COL12A1: variants seen among roughly 807,000 people sequenced by gnomAD.
COL12A1 encodes collagen type XII alpha 1 chain.
A neutral mutation model predicts 349.7 loss-of-function variants in COL12A1; 114 were observed. The ratio of observed to expected loss-of-function variants is 0.33; its 90% CI spans 0.28 to 0.38. COL12A1 has a LOEUF of 0.38. Ranked by LOEUF, COL12A1 falls within the 10% of genes least tolerant of loss-of-function variation. The pLI is 1.00. For missense variants in COL12A1, 3,284 were observed against 3,756.9 expected (o/e 0.87, Z 3.29); for synonymous variants, 1,369 against 1,329.0 (o/e 1.03, Z -0.66).
Position 75,119,120 on chromosome 6 carries a change from G to A in COL12A1, c.7277C>T (p.Pro2426Leu), listed in dbSNP as rs774528931. Reference protein sequence around the residue: ...TWESGMRKNVPKVLVVVTDGR... With the variant: ...TWESGMRKNVLKVLVVVTDGR... ...GTCCGTGACCACAACCAACACCTTA[G>A]GGACATTCTTCCTCATGCCGCTCTC... The change falls in exon 46 of 66, where the codon CCT becomes CTT. Residue 2426 changes from proline to leucine, a missense_variant. Transcript: ENST00000322507. The A allele has an allele frequency of 6.2e-7, 1 of 1,613,874 alleles. No homozygotes were observed. The highest frequency in any genetic ancestry group is 8.5e-7 in the Non-Finnish European group (1 of 1,179,900).
intron 30 of COL12A1, 135 bp downstream of exon 30, chr6:75,138,185 T>C (rs778493420): frequency 1.2e-5 from 11 of 944,924 alleles, no homozygotes; most frequent in South Asian, 7.0e-5. Context: ...GAAAAGCCTA[T>C]GTAAAAGAGT....
chr6:75,154,562 G>T (rs377231638), intron 16 of COL12A1, 25 bp from the exon 17 acceptor site: 17 of 1,576,626 alleles, frequency 1.1e-5, no homozygotes, highest in Non-Finnish European at 1.5e-5. Flanking sequence ...TATATATATA[G>T]CCTGTGAGAA....
At chr6:75,145,611 C>CTTTTTTTTTTTTTTTTT (rs56698330) in intron 24 of COL12A1, among the ~76,000 whole-genome samples, 156 bp from the exon 25 acceptor site, 2 of 121,186 alleles carry the variant, frequency 1.7e-5, no homozygotes, top group African/African-American at 6.3e-5. Flanking sequence ...CTGATGTTTT[C>CTTTTTTTTTTTTTTTTT]TTTTTTTTTT....
At chr6:75,155,581 A>T in intron 16 of COL12A1, 81 bp downstream of exon 16, 1 of 1,353,862 alleles carries the variant, frequency 7.4e-7, no homozygotes, top group Non-Finnish European at 1.0e-6. Flanking sequence ...TATTTGTGTA[A>T]AGCCTACTAA....
At chr6:75,157,487 G>A (rs188446831) in intron 14 of COL12A1, among the ~76,000 whole-genome samples, 4 of 151,696 alleles carry the variant, frequency 2.6e-5, no homozygotes, top group East Asian at 1.9e-4. Flanking sequence ...TTTCAGACAC[G>A]ACATCAGCTG....
chr6:75,090,011 A>C lies in COL12A1; in HGVS notation c.8941+99T>G. 1 of 1,287,398 alleles carries C rather than the reference A, an allele frequency of 7.8e-7. No homozygotes were observed. Among genetic ancestry groups the C allele is most frequent in the Admixed American group, 1.9e-5 (1 of 53,168 alleles). The allele number at this position is 1,287,398 out of a possible 1,614,324, so 79.7% of individuals were successfully genotyped here. On this transcript the variant is annotated intron_variant, in intron 63 of 65. Transcript: ENST00000322507. This position sits in a 1 kb window ranked among gnomAD's most constrained non-coding sequence, Gnocchi z 4.1. ...CTGTCCAAACAAGACCAGGGAAAGCAGTTTGCCTAGGTCACCTTTCAGATG... is the reference window on the plus strand; with the variant it reads ...CTGTCCAAACAAGACCAGGGAAAGCCGTTTGCCTAGGTCACCTTTCAGATG...
chr6:75,099,928 GTTC>G (rs1411036938), intron 58 of COL12A1, among the ~76,000 whole-genome samples: 1 of 152,058 alleles, frequency 6.6e-6, no homozygotes, highest in Non-Finnish European at 1.5e-5. Context: ...CCACCACTGA[GTTC>G]ACGTTTTGTT....
rs74331327 is a variant in COL12A1 at position 75,165,794 on chromosome 6, A to G, written c.2711-15T>C. 6.4e-4 allele frequency: 1,031 copies of G among 1,607,440 alleles called. 12 individuals carry two copies. The East Asian group carries it at 0.019, about 30-fold the overall frequency. On this transcript the variant is annotated splice_polypyrimidine_tract_variant and intron_variant, in intron 13 of 65. Coordinates refer to ENST00000322507, the MANE Select transcript of COL12A1 (RefSeq NM_004370.6). The stretch of plus-strand genomic sequence containing the variant: ...AGAACCACGTTCTAGAACAGAAATT[A>G]AAAGGGAATCTTTTTTAAAAATGTC...
chr6:75,180,880 C>G (rs1356266974), intron 11 of COL12A1, 59 bp downstream of exon 11: 2 of 1,552,706 alleles, frequency 1.3e-6, no homozygotes, highest in African/African-American at 1.4e-5. Context: ...CAAACTGTAA[C>G]TTTGTAGTGC....
At chr6:75,152,305 A>C (rs751255662) in intron 18 of COL12A1, 28 bp downstream of exon 18, 65 of 1,613,520 alleles carry the variant, frequency 4.0e-5, no homozygotes, top group Non-Finnish European at 5.4e-5. Flanking sequence ...AAAAATGTCT[A>C]AATGGCTCCA....
chr6:75,134,789 T>C lies in COL12A1; in HGVS notation c.5461A>G (p.Ile1821Val). The C allele has an allele frequency of 1.2e-6, 2 of 1,613,270 alleles. No homozygotes were observed. The highest frequency in any genetic ancestry group is 1.3e-5 in the African/African-American group (1 of 74,994). Residue 1821 changes from isoleucine (I) to valine (V), a missense_variant, in exon 32 of 66, where the codon ATC (isoleucine) becomes GTC (valine). Ile to Val is a conservative substitution (Grantham distance 29). This residue lies in a region of COL12A1 where 2,601 missense variants were observed against 2,824.8 expected (regional missense o/e 0.92). Coordinates refer to ENST00000322507, the MANE Select transcript of COL12A1 (RefSeq NM_004370.6). ...TCAGGATACAGAGAGGATACGGTGA[T>C]AGTGTAAGGAGTGTCTGGCTTCAGT... ...QKLKPDTPYT[I>V]TVSSLYPDGE... is the part of the protein sequence containing the mutation.
chr6:75,146,276 A>T, intron 23 of COL12A1, 32 bp from the exon 24 acceptor site: 1 of 1,550,976 alleles, frequency 6.4e-7, no homozygotes. Context: ...CCATCAGTCT[A>T]GTTCCTTTCA....
At chr6:75,189,161 C>T in intron 7 of COL12A1, 56 bp downstream of exon 7, 1 of 1,545,978 alleles carries the variant, frequency 6.5e-7, no homozygotes, top group Non-Finnish European at 8.8e-7. Context: ...TCTTCCTAAA[C>T]ATTAAGTATA....
chr6:75,152,038 G>A lies in COL12A1; in HGVS notation c.3836-7C>T. 2 of 1,613,684 alleles carry A rather than the reference G, an allele frequency of 1.2e-6. No homozygotes were observed. Among genetic ancestry groups the A allele is most frequent in the Non-Finnish European group, 1.7e-6 (2 of 1,179,762 alleles). On this transcript the variant is annotated splice_polypyrimidine_tract_variant and splice_region_variant and intron_variant, in intron 19 of 65. Coordinates refer to ENST00000322507, the MANE Select transcript of COL12A1 (RefSeq NM_004370.6). ...ATGAAATTCAAAGCCATGCCTAGTG[G>A]GATTTTTAAAAGAGAATCAGTCACA...
intron 27 of COL12A1, among the ~76,000 whole-genome samples, chr6:75,141,226 T>C (rs910916438): frequency 6.6e-6 from 1 of 152,238 alleles, no homozygotes. Flanking sequence ...ATTTGCTTTA[T>C]GTAATGGGCT....
At chr6:75,136,203 A>G (rs1486664604) in intron 31 of COL12A1, among the ~76,000 whole-genome samples, 2 of 152,188 alleles carry the variant, frequency 1.3e-5, no homozygotes, top group East Asian at 3.8e-4. Context: ...CTGGCATGCC[A>G]CAGAAAAAAA....
chr6:75,160,883 CA>C (rs1469667864), intron 14 of COL12A1, among the ~76,000 whole-genome samples: 1 of 152,098 alleles, frequency 6.6e-6, no homozygotes, highest in Non-Finnish European at 1.5e-5. Flanking sequence ...AAAACATCAC[CA>C]AACTTCTCAA....
At position 75,137,694 on chromosome 6, in the gene COL12A1, T is replaced by C. The variant is rs1047042546; in HGVS notation, c.5252-115A>G. On this transcript the variant is annotated intron_variant, in intron 30 of 65. Transcript: ENST00000322507. ...CTATGCCTCTGGGTTTATAATTAAA[T>C]TCGTTCCCTTAATAAAAATGGTTAT... 14 of 1,114,734 alleles carry C rather than the reference T, an allele frequency of 1.3e-5. No individual in the cohort carries two copies. The African/African-American group carries it at 2.1e-4, about 17-fold the overall frequency. 69.1% of individuals were successfully genotyped at this position (1,114,734 alleles called of 1,614,324 possible).
In COL12A1 at chr6:75,105,251, T is replaced by C. The variant is rs1768492608; in HGVS notation, c.8220A>G (p.Thr2740=). 4 of 1,613,786 alleles carry C rather than the reference T, an allele frequency of 2.5e-6. No individual in the cohort carries two copies. The highest frequency in any genetic ancestry group is 4.5e-5 in the East Asian group (2 of 44,884). ...GAGGTCCAACGCTGTCCTGTGTACA[T>C]GTGCAAGAATTTGGAAAAGCAGGGC... The part of the protein sequence containing the change: ...GKCPAFPNSC[T]CTQDSVGPPG... Residue 2740 remains threonine (T), a synonymous_variant, in exon 54 of 66, where the codon ACA becomes ACG. Transcript: ENST00000322507.
Sources: allele counts gnomAD v4.1 joint callset (sites outside exome capture counted in the v4.1 genomes callset), GRCh38; gene constraint gnomAD v4.1.1; regional missense constraint gnomAD v4.1.1; non-coding constraint Gnocchi (gnomAD v3.1); transcripts MANE v1.5; gene names NCBI Gene and HGNC (gene_info 2026-07-23, HGNC 2026-07-21).